The following ATP6V0C variants were observed in gnomAD, a reference collection of about 807,000 sequenced individuals.
ATP6V0C encodes the protein ATPase H+ transporting V0 subunit c.
ATP6V0C carries 2 observed loss-of-function variants against 10.6 expected under a neutral mutation model. The ratio of observed to expected loss-of-function variants is 0.19; its 90% CI spans 0.08 to 0.59. The LOEUF (loss-of-function observed/expected upper bound fraction) is 0.59, where lower values mean the gene tolerates loss of function less well. ATP6V0C is among the 20% of genes least tolerant of loss of function. The pLI, the probability that ATP6V0C is intolerant of heterozygous loss-of-function variation, is 0.90. For synonymous variants in ATP6V0C, 128 were observed against 101.3 expected, an observed-to-expected ratio of 1.26 and a Z score of -1.59; for missense variants, 89 against 225.9, an observed-to-expected ratio of 0.39 and a Z score of 3.88.
In ATP6V0C at chr16:2,514,267, T is replaced by A. The variant is rs901707009; in HGVS notation, c.79+85T>A. ...GCTCGCCGGGGTCCGGTGTGTGACG[T>A]CACTCTGACGTAATCCCGAGCTGTC... On this transcript the variant is annotated intron_variant, in intron 1 of 2. Transcript: ENST00000330398. The A allele has an allele frequency of 5.0e-6, 7 of 1,402,012 alleles. No homozygotes were observed. In the African/African-American group the frequency reaches 1.1e-4, roughly 21 times the overall value. The allele number at this position is 1,402,012 out of a possible 1,614,324, so 86.8% of individuals were successfully genotyped here.
At position 2,520,186 on chromosome 16, in the gene ATP6V0C, C is replaced by T. The variant is rs2065905207; in HGVS notation, c.*441C>T. 2 of 507,338 alleles carry T rather than the reference C, an allele frequency of 3.9e-6. No individual in the cohort carries two copies. The highest frequency in any genetic ancestry group is 1.9e-5 in the South Asian group (1 of 51,908). 31.4% of individuals were successfully genotyped at this position (507,338 alleles called of 1,614,324 possible). ...TCACCGCCGGGCCCGTGGCCCTGCG[C>T]GGAGCTGTGTCCAATAAAGTTCTTG... is the stretch of plus-strand genomic sequence containing the variant. On this transcript the variant is annotated 3_prime_UTR_variant, in exon 3 of 3. Coordinates refer to ENST00000330398, the MANE Select transcript of ATP6V0C (RefSeq NM_001694.4).
chr16:2,514,989 C>T (rs538642109), intron 1 of ATP6V0C, among the ~76,000 whole-genome samples: 18 of 152,224 alleles, frequency 1.2e-4, no homozygotes, highest in African/African-American at 3.9e-4. Flanking sequence ...CAGTCGTTGC[C>T]CTCAGGACTG....
At chr16:2,514,835 C>T (rs2065869236) in intron 1 of ATP6V0C, among the ~76,000 whole-genome samples, 1 of 152,122 alleles carries the variant, frequency 6.6e-6, no homozygotes, top group South Asian at 2.1e-4. Context: ...TTCGGAGAGC[C>T]CGCGGAGACC....
In ATP6V0C at chr16:2,519,791, CCCT is replaced by C. The variant is rs541434791; in HGVS notation, c.*51_*53del. 6.3e-4 allele frequency: 999 copies of C among 1,580,462 alleles called. 18 individuals carry two copies. In the South Asian group the frequency reaches 0.011, roughly 17 times the overall value. ...CCACAGAATATTATGTAAAGACCAC[CCCT>C]CCTCATTCCAGAACGAACAGCCTGA... is the stretch of plus-strand genomic sequence containing the variant. On this transcript the variant is annotated 3_prime_UTR_variant, in exon 3 of 3. Transcript: ENST00000330398.
intron 1 of ATP6V0C, among the ~76,000 whole-genome samples, chr16:2,514,559 G>A (rs1044382463): frequency 7.9e-5 from 12 of 151,730 alleles, no homozygotes; most frequent in African/African-American, 2.9e-4. Context: ...TCTGCGGGCA[G>A]GTGACATCAC....
intron 1 of ATP6V0C, among the ~76,000 whole-genome samples, chr16:2,514,889 C>T (rs1251027812): frequency 6.6e-6 from 1 of 152,180 alleles, no homozygotes; most frequent in East Asian, 1.9e-4. Context: ...GAGACAGCAG[C>T]ATCGGCGCTG....
At chr16:2,515,030 G>A (rs1010945901) in intron 1 of ATP6V0C, among the ~76,000 whole-genome samples, 6 of 152,142 alleles carry the variant, frequency 3.9e-5, no homozygotes, top group African/African-American at 1.4e-4. Flanking sequence ...AATGAATGGA[G>A]GGGTGAATGA....
In ATP6V0C at chr16:2,519,836, C is replaced by A. The variant is rs2141893597; in HGVS notation, c.*91C>A. ...ACAGCCTGACACATACGCACGGGGC[C>A]GCCGCCCCCAGTAGTTGGTCTTGTA... On this transcript the variant is annotated 3_prime_UTR_variant, in exon 3 of 3. Coordinates refer to ENST00000330398, the MANE Select transcript of ATP6V0C (RefSeq NM_001694.4). 1 of 1,499,298 alleles carries A rather than the reference C, an allele frequency of 6.7e-7. No individual in the cohort carries two copies. The highest frequency in any genetic ancestry group is 1.1e-5 in the South Asian group (1 of 88,158). The allele number at this position is 1,499,298 out of a possible 1,614,324, so 92.9% of individuals were successfully genotyped here. A position where few individuals can be genotyped will look rare whatever the true frequency, so the allele number is the denominator to read the frequency against.
In ATP6V0C at chr16:2,514,049, C is replaced by CCCGCCT. The variant is rs2065863970; in HGVS notation, c.-49_-44dup. The CCCGCCT allele has an allele frequency of 3.3e-6, 5 of 1,500,874 alleles. No individual in the cohort carries two copies. Among genetic ancestry groups the CCCGCCT allele is most frequent in the Non-Finnish European group, 4.5e-6 (5 of 1,111,992 alleles). The allele number at this position is 1,500,874 out of a possible 1,614,324, so 93.0% of individuals were successfully genotyped here. A position where few individuals can be genotyped will look rare whatever the true frequency, so the allele number is the denominator to read the frequency against. On this transcript the variant is annotated 5_prime_UTR_variant, in exon 1 of 3. Coordinates refer to ENST00000330398, the MANE Select transcript of ATP6V0C (RefSeq NM_001694.4). Reference sequence around the variant, plus strand: ...CCTTCGTGCCCGGCCCGTCCTCGCCCCCGCCTCCGCCACCGCCTCGGCCCG... The same window carrying CCCGCCT: ...CCTTCGTGCCCGGCCCGTCCTCGCCCCCGCCTCCGCCTCCGCCACCGCCTCGGCCCG...
chr16:2,514,150 T>C lies in ATP6V0C; in HGVS notation c.47T>C (p.Val16Ala). ...CCCGAGTATGCTTCGTTTTTCGCCG[T>C]CATGGGCGCCTCGGCCGCCATGGTC... is the stretch of plus-strand genomic sequence containing the variant. ...SGPEYASFFA[V>A]MGASAAMVFS... Residue 16 changes from valine (V) to alanine (A), a missense_variant, in exon 1 of 3, where the codon GTC (valine) becomes GCC (alanine). This residue lies in a region of ATP6V0C where 26 missense variants were observed against 33.7 expected (regional missense o/e 0.77). Transcript: ENST00000330398. The C allele has an allele frequency of 6.3e-7, 1 of 1,588,744 alleles. No homozygotes were observed. Among genetic ancestry groups the C allele is most frequent in the East Asian group, 2.3e-5 (1 of 42,642 alleles).
intron 1 of ATP6V0C, chr16:2,516,708 G>T (rs888531232): frequency 3.9e-5 from 6 of 152,278 alleles, no homozygotes; most frequent in African/African-American, 1.4e-4. Flanking sequence ...GTTGTCATTT[G>T]CTCCTTTTCT....
intron 1 of ATP6V0C, among the ~76,000 whole-genome samples, chr16:2,514,879 G>A (rs977068531): frequency 1.3e-5 from 2 of 152,202 alleles, no homozygotes; most frequent in Non-Finnish European, 2.9e-5. Flanking sequence ...AGGGAGCGGG[G>A]AGACAGCAGC....
chr16:2,515,860 T>G (rs970661347), intron 1 of ATP6V0C, among the ~76,000 whole-genome samples: 1 of 152,168 alleles, frequency 6.6e-6, no homozygotes, highest in African/African-American at 2.4e-5. Flanking sequence ...CTGCTTGCCC[T>G]TGAAGCCCTG....
intron 1 of ATP6V0C, chr16:2,516,799 A>T (rs1800940565): frequency 6.6e-6 from 1 of 151,796 alleles, no homozygotes; most frequent in Non-Finnish European, 1.5e-5. Flanking sequence ...CTGGCCCCCC[A>T]CTCTTTCTGT....
chr16:2,514,035 G>A lies in ATP6V0C; in HGVS notation c.-69G>A. The A allele has an allele frequency of 4.2e-6, 6 of 1,426,802 alleles. No individual in the cohort carries two copies. In the Admixed American group the frequency reaches 8.4e-5, roughly 20 times the overall value. 88.4% of individuals were successfully genotyped at this position (1,426,802 alleles called of 1,614,324 possible). On this transcript the variant is annotated 5_prime_UTR_variant, in exon 1 of 3. Coordinates refer to ENST00000330398, the MANE Select transcript of ATP6V0C (RefSeq NM_001694.4). ...CGCCCGCCCGCAAACCTTCGTGCCC[G>A]GCCCGTCCTCGCCCCCGCCTCCGCC...
intron 1 of ATP6V0C, chr16:2,517,751 G>GTGTC (rs1420882966): frequency 6.9e-6 from 1 of 144,110 alleles, no homozygotes; most frequent in Non-Finnish European, 1.5e-5. Flanking sequence ...GTGTGTGTGT[G>GTGTC]TGTCTGTCAG....
intron 1 of ATP6V0C, among the ~76,000 whole-genome samples, chr16:2,514,594 C>G (rs2065867638): frequency 6.6e-6 from 1 of 151,970 alleles, no homozygotes; most frequent in Admixed American, 6.6e-5. Context: ...AGTGCGCGGG[C>G]GGCGGCGCGG....
upstream of ATP6V0C, chr16:2,513,829 C>G (rs1466693138): frequency 3.9e-6 from 1 of 254,118 alleles, no homozygotes; most frequent in East Asian, 7.1e-5. Flanking sequence ...GCGGGCGGCA[C>G]AGCCCGGGGG....
chr16:2,513,879 C>T, upstream of ATP6V0C: 1 of 429,846 alleles, frequency 2.3e-6, no homozygotes. Context: ...GACGCGTCTC[C>T]CCCACGGTGC....
Sources: allele counts gnomAD v4.1 joint callset (sites outside exome capture counted in the v4.1 genomes callset), GRCh38; gene constraint gnomAD v4.1.1; regional missense constraint gnomAD v4.1.1; transcripts MANE v1.5; gene names NCBI Gene and HGNC (gene_info 2026-07-23, HGNC 2026-07-21).